UNC5C: variants seen among roughly 807,000 people sequenced by gnomAD.
UNC5C encodes the protein netrin receptor UNC5C.
UNC5C carries 47 observed loss-of-function variants against 99.8 expected under a neutral mutation model. That is an observed-to-expected ratio of 0.47 (90% CI 0.37 to 0.60). The LOEUF is 0.60. Ranked by LOEUF, UNC5C falls within the 20% of genes least tolerant of loss-of-function variation. The probability of loss-of-function intolerance (pLI) is 0.00; values close to 1 mark genes in which losing one functional copy is unlikely to be tolerated. For synonymous variants in UNC5C, 487 were observed against 452.2 expected, an observed-to-expected ratio of 1.08 and a Z score of -0.98; for missense variants, 1,062 against 1,165.9, an observed-to-expected ratio of 0.91 and a Z score of 1.30.
At chr4:95,364,689 CT>C (rs1298945613) in intron 1 of UNC5C, among the ~76,000 whole-genome samples, 2 of 152,138 alleles carry the variant, frequency 1.3e-5, no homozygotes, top group Non-Finnish European at 2.9e-5. Context: ...ACCTTAATTT[CT>C]TTTTCATCCT....
At chr4:95,363,407 A>C (rs79234344) in intron 1 of UNC5C, among the ~76,000 whole-genome samples, 5,118 of 152,250 alleles carry the variant, frequency 0.034, 124 homozygotes, top group South Asian at 0.052. Context: ...TTTTGGCAAA[A>C]CAAGTGGAGA....
At chr4:95,390,181 G>A (rs1745317537) in intron 1 of UNC5C, among the ~76,000 whole-genome samples, 2 of 152,134 alleles carry the variant, frequency 1.3e-5, no homozygotes, top group Admixed American at 1.3e-4. Flanking sequence ...TGGGAGACAT[G>A]GGGTGTCTAA....
chr4:95,264,439 G>A (rs997954591), intron 4 of UNC5C, among the ~76,000 whole-genome samples: 32 of 152,216 alleles, frequency 2.1e-4, no homozygotes, highest in African/African-American at 7.2e-4. Flanking sequence ...CTTAATCTGA[G>A]CAGATGGCAT....
At chr4:95,502,154 C>T (rs531394549) in intron 1 of UNC5C, among the ~76,000 whole-genome samples, 124 of 152,190 alleles carry the variant, frequency 8.1e-4, no homozygotes, top group African/African-American at 2.8e-3. Flanking sequence ...CTTTTAATGA[C>T]GAACATGTTA....
At chr4:95,418,913 TCC>T (rs1338718631) in intron 1 of UNC5C, among the ~76,000 whole-genome samples, 1 of 152,130 alleles carries the variant, frequency 6.6e-6, no homozygotes, top group Admixed American at 6.5e-5. Context: ...TTCCCCTGCC[TCC>T]TGCCCCGACT....
intron 1 of UNC5C, among the ~76,000 whole-genome samples, chr4:95,545,650 A>G (rs1723037722): frequency 1.3e-5 from 2 of 152,230 alleles, no homozygotes. Flanking sequence ...GTTAACACTC[A>G]TAACACTAGT....
chr4:95,284,941 C>A (rs1457505354), intron 3 of UNC5C, among the ~76,000 whole-genome samples: 1 of 152,110 alleles, frequency 6.6e-6, no homozygotes, highest in African/African-American at 2.4e-5. Flanking sequence ...AAAGTGGAGG[C>A]TCTATTGTCA....
At chr4:95,214,247 C>T (rs948270196) in intron 10 of UNC5C, among the ~76,000 whole-genome samples, 6 of 152,172 alleles carry the variant, frequency 3.9e-5, no homozygotes, top group African/African-American at 1.4e-4. Flanking sequence ...TGTTATCCTC[C>T]TGTGTTTGTT....
At position 95,502,828 on chromosome 4, in the gene UNC5C, G is replaced by A. The variant is rs145789310; in HGVS notation, c.124+45906C>T. ...TTCAGGTTATATTGAATATTATAGT[G>A]GTATTAACTATTACCATAATCTTTA... On this transcript the variant is annotated intron_variant, in intron 1 of 15. Transcript: ENST00000453304. Among the ~76,000 whole-genome samples, 563 of 152,058 alleles carry A rather than the reference G, an allele frequency of 3.7e-3. 17 individuals carry two copies. The highest frequency in any genetic ancestry group is 0.03 in the Admixed American group (459 of 15,256).
At chr4:95,481,542 A>G (rs146078051) in intron 1 of UNC5C, among the ~76,000 whole-genome samples, 54,557 of 151,558 alleles carry the variant, frequency 0.36, 10,743 homozygotes, top group Non-Finnish European at 0.45. Flanking sequence ...AAAAGAGCCC[A>G]CATCGCCAAG....
chr4:95,377,709 G>A (rs1560810497), intron 1 of UNC5C, among the ~76,000 whole-genome samples: 1 of 152,128 alleles, frequency 6.6e-6, no homozygotes, highest in South Asian at 2.1e-4. Context: ...TGTGAGGAGT[G>A]GGAGTCTGGG....
At chr4:95,222,348 G>T in intron 7 of UNC5C, 1 of 851,574 alleles carries the variant, frequency 1.2e-6, no homozygotes, top group Non-Finnish European at 1.7e-6. Context: ...ATGAAAAATG[G>T]TTTAATTAAA....
intron 1 of UNC5C, among the ~76,000 whole-genome samples, chr4:95,463,624 A>C (rs1447230134): frequency 6.6e-6 from 1 of 152,174 alleles, no homozygotes; most frequent in Non-Finnish European, 1.5e-5. Flanking sequence ...AAAAAGAAGA[A>C]AAGAGAAGGT....
At position 95,168,468 on chromosome 4, in the gene UNC5C, T is replaced by TACAA. The variant is rs1429214674; in HGVS notation, c.*762_*765dup. 1.3e-5 allele frequency: 2 copies of TACAA among 152,654 alleles called. No homozygotes were observed. The highest frequency in any genetic ancestry group is 2.9e-5 in the Non-Finnish European group (2 of 68,034). The allele number at this position is 152,654 out of a possible 1,614,324, so 9.5% of individuals were successfully genotyped here. Reference sequence around the variant, plus strand: ...AAAAAAAACACTTCATATTGCATATTACAAACAAACACACATGTTGTGAAA... The same window carrying TACAA: ...AAAAAAAACACTTCATATTGCATATTACAAACAAACAAACACACATGTTGTGAAA... On this transcript the variant is annotated 3_prime_UTR_variant, in exon 16 of 16. Coordinates refer to ENST00000453304, the MANE Select transcript of UNC5C (RefSeq NM_003728.4).
At chr4:95,427,002 A>G (rs535978087) in intron 1 of UNC5C, among the ~76,000 whole-genome samples, 38 of 152,318 alleles carry the variant, frequency 2.5e-4, no homozygotes, top group African/African-American at 8.9e-4. Context: ...AAACCGCCAT[A>G]TATTGGAAGA....
chr4:95,417,462 C>A (rs1483553360), intron 1 of UNC5C, among the ~76,000 whole-genome samples: 2 of 152,160 alleles, frequency 1.3e-5, no homozygotes, highest in African/African-American at 4.8e-5. Context: ...TAGGAAAAAT[C>A]TTCCTGATGA....
At chr4:95,344,332 T>G (rs1318757163) in intron 1 of UNC5C, among the ~76,000 whole-genome samples, 1 of 152,108 alleles carries the variant, frequency 6.6e-6, no homozygotes, top group Non-Finnish European at 1.5e-5. Context: ...TTTCCTAGAA[T>G]AGTATATCAA....
intron 7 of UNC5C, among the ~76,000 whole-genome samples, chr4:95,224,214 C>T (rs530413347): frequency 6.6e-6 from 1 of 152,128 alleles, no homozygotes; most frequent in South Asian, 2.1e-4. Context: ...GACTGGGAGG[C>T]GGAGATTGCA....
chr4:95,261,936 T>C (rs994569353), intron 4 of UNC5C, among the ~76,000 whole-genome samples: 4 of 152,112 alleles, frequency 2.6e-5, no homozygotes, highest in East Asian at 1.9e-4. Context: ...ATTGCCTGAC[T>C]TCATGATCTG....
Sources: allele counts gnomAD v4.1 joint callset (sites outside exome capture counted in the v4.1 genomes callset), GRCh38; gene constraint gnomAD v4.1.1; transcripts MANE v1.5; gene names NCBI Gene and HGNC (gene_info 2026-07-23, HGNC 2026-07-21).